STT3B: variants seen among roughly 807,000 people sequenced by gnomAD.
STT3B encodes the protein STT3 oligosaccharyltransferase complex catalytic subunit B.
A neutral mutation model predicts 96.8 loss-of-function variants in STT3B; 29 were observed. The ratio of observed to expected loss-of-function variants is 0.30; its 90% CI spans 0.22 to 0.41. The LOEUF is 0.41. STT3B is among the 10% of genes least tolerant of loss of function. STT3B has a pLI of 1.00. For missense variants in STT3B, 640 were observed against 1,022.3 expected, an observed-to-expected ratio of 0.63 and a Z score of 5.10; for synonymous variants, 367 against 360.0, an observed-to-expected ratio of 1.02 and a Z score of -0.22.
chr3:31,610,160 A>C (rs76620602), intron 5 of STT3B, among the ~76,000 whole-genome samples: 2,428 of 152,248 alleles, frequency 0.016, 36 homozygotes, highest in Non-Finnish European at 0.025. Context: ...TATCCTGCAT[A>C]TCTACCAGGG....
chr3:31,567,413 A>T (rs1314419135), intron 1 of STT3B, among the ~76,000 whole-genome samples: 1 of 152,172 alleles, frequency 6.6e-6, no homozygotes, highest in Non-Finnish European at 1.5e-5. Flanking sequence ...GGTTAAACTA[A>T]ACCAGATTTG....
At chr3:31,553,590 A>G (rs1697624722) in intron 1 of STT3B, among the ~76,000 whole-genome samples, 1 of 152,226 alleles carries the variant, frequency 6.6e-6, no homozygotes, top group Non-Finnish European at 1.5e-5. Flanking sequence ...AAGTCAAAGT[A>G]TGCTTGGAAA....
chr3:31,561,915 T>C (rs563926862), intron 1 of STT3B, among the ~76,000 whole-genome samples: 37 of 152,114 alleles, frequency 2.4e-4, no homozygotes, highest in Non-Finnish European at 4.4e-4. Context: ...AGCATTAGTG[T>C]GTCTGTGATT....
At chr3:31,553,374 A>G (rs574566256) in intron 1 of STT3B, among the ~76,000 whole-genome samples, 1 of 152,316 alleles carries the variant, frequency 6.6e-6, no homozygotes, top group African/African-American at 2.4e-5. Flanking sequence ...GAAACAACCC[A>G]AATGCCCTTC....
intron 7 of STT3B, 133 bp downstream of exon 7, chr3:31,617,208 T>C: frequency 1.8e-6 from 1 of 569,044 alleles, no homozygotes; most frequent in Non-Finnish European, 2.7e-6. Flanking sequence ...TTTTGAATAG[T>C]ATATCTTAAT....
chr3:31,558,003 A>G (rs1466915205), intron 1 of STT3B, among the ~76,000 whole-genome samples: 1 of 152,248 alleles, frequency 6.6e-6, no homozygotes, highest in East Asian at 1.9e-4. Flanking sequence ...AAAATGAATC[A>G]GTACATGATT....
At chr3:31,540,987 TTAAAG>T in intron 1 of STT3B, among the ~76,000 whole-genome samples, 1 of 152,322 alleles carries the variant, frequency 6.6e-6, no homozygotes, top group Non-Finnish European at 1.5e-5. Context: ...AGGTTTATTA[TTAAAG>T]TAAATTATTA....
intron 13 of STT3B, among the ~76,000 whole-genome samples, chr3:31,627,335 A>G (rs1045640581): frequency 6.6e-6 from 1 of 152,178 alleles, no homozygotes; most frequent in South Asian, 2.1e-4. Flanking sequence ...GAATCTAACT[A>G]ATGCCTGTTG....
chr3:31,561,173 T>G (rs1697868579), intron 1 of STT3B, among the ~76,000 whole-genome samples: 2 of 152,042 alleles, frequency 1.3e-5, no homozygotes. Context: ...TTCTTTATAT[T>G]GTTTTTCAGA....
intron 11 of STT3B, 135 bp downstream of exon 11, chr3:31,623,996 T>G: frequency 2.7e-6 from 2 of 743,510 alleles, no homozygotes; most frequent in Non-Finnish European, 4.1e-6. Context: ...TATTTTAATT[T>G]TGGTAGGTAC....
At chr3:31,545,794 T>G (rs1697392610) in intron 1 of STT3B, among the ~76,000 whole-genome samples, 1 of 151,220 alleles carries the variant, frequency 6.6e-6, no homozygotes, top group Non-Finnish European at 1.5e-5. Flanking sequence ...TTTGTAAACT[T>G]TCTTAAAACA....
At chr3:31,632,871 C>G in intron 14 of STT3B, 64 bp from the exon 15 acceptor site, 1 of 1,372,150 alleles carries the variant, frequency 7.3e-7, no homozygotes, top group Non-Finnish European at 1.0e-6. Context: ...ATAACACTTA[C>G]TGTCTTATAA....
chr3:31,624,133 AAGTTACACTCTT>A (rs1699483784), intron 11 of STT3B, among the ~76,000 whole-genome samples: 1 of 152,132 alleles, frequency 6.6e-6, no homozygotes, highest in African/African-American at 2.4e-5. Flanking sequence ...ACAAACGATC[AAGTTACACTCTT>A]AGTTATTTTT....
At chr3:31,614,920 A>C (rs1699272020) in intron 5 of STT3B, among the ~76,000 whole-genome samples, 185 bp from the exon 6 acceptor site, 1 of 151,950 alleles carries the variant, frequency 6.6e-6, no homozygotes, top group Non-Finnish European at 1.5e-5. Context: ...TTTTTGAAAA[A>C]TGGATAGAAT....
intron 1 of STT3B, among the ~76,000 whole-genome samples, chr3:31,539,002 C>T (rs1697166763): frequency 6.6e-6 from 1 of 152,054 alleles, no homozygotes; most frequent in Non-Finnish European, 1.5e-5. Flanking sequence ...GAGATAGGAT[C>T]AGTTGCCCAG....
At chr3:31,553,121 C>CAAA (rs1697612278) in intron 1 of STT3B, among the ~76,000 whole-genome samples, 3 of 148,970 alleles carry the variant, frequency 2.0e-5, no homozygotes, top group African/African-American at 7.5e-5. Flanking sequence ...AAAAAAAAAC[C>CAAA]AAATAAAACT....
In STT3B at chr3:31,533,248, G is replaced by A. The variant is rs779722092; in HGVS notation, c.250G>A (p.Gly84Ser). The A allele has an allele frequency of 2.7e-6, 4 of 1,507,602 alleles. No individual in the cohort carries two copies. Among genetic ancestry groups the A allele is most frequent in the South Asian group, 1.2e-5 (1 of 81,034 alleles). The allele number at this position is 1,507,602 out of a possible 1,614,324, so 93.4% of individuals were successfully genotyped here. A position where few individuals can be genotyped will look rare whatever the true frequency, so the allele number is the denominator to read the frequency against. Reference protein sequence around the residue: ...FTILFLAWLAGFSSRLFAVIR... With the variant: ...FTILFLAWLASFSSRLFAVIR... Reference sequence around the variant, plus strand: ...CATCCTCTTCCTGGCCTGGCTTGCCGGCTTCAGCTCGCGCCTCTTCGCCGT... The same window carrying A: ...CATCCTCTTCCTGGCCTGGCTTGCCAGCTTCAGCTCGCGCCTCTTCGCCGT... Residue 84 changes from glycine to serine, a missense_variant, in exon 1 of 16, where the codon GGC becomes AGC. Around this residue, in one of 8 missense-constraint regions of STT3B, gnomAD observed 267 missense variants for 388.3 expected, o/e 0.69. Coordinates refer to ENST00000295770, the MANE Select transcript of STT3B (RefSeq NM_178862.3).
chr3:31,614,963 G>A (rs1315683289), intron 5 of STT3B, 142 bp from the exon 6 acceptor site: 8 of 496,138 alleles, frequency 1.6e-5, no homozygotes, highest in South Asian at 3.2e-5. Flanking sequence ...TTAACAAATG[G>A]ACATCTAATA....
intron 1 of STT3B, among the ~76,000 whole-genome samples, chr3:31,539,817 A>G (rs1490164762): frequency 1.3e-5 from 2 of 152,086 alleles, no homozygotes; most frequent in Non-Finnish European, 2.9e-5. Flanking sequence ...TCTTATTTAG[A>G]TTTATTTTGT....
Sources: allele counts gnomAD v4.1 joint callset (sites outside exome capture counted in the v4.1 genomes callset), GRCh38; gene constraint gnomAD v4.1.1; regional missense constraint gnomAD v4.1.1; transcripts MANE v1.5; gene names NCBI Gene and HGNC (gene_info 2026-07-23, HGNC 2026-07-21).